TSHZ2: variants seen among roughly 807,000 people sequenced by gnomAD.
The protein encoded by TSHZ2 is teashirt zinc finger homeobox 2.
In TSHZ2, 21 loss-of-function variants were observed where a neutral mutation model predicts 74.4. The ratio of observed to expected loss-of-function variants is 0.28; its 90% CI spans 0.20 to 0.41. The LOEUF is 0.41. Ranked by LOEUF, TSHZ2 falls within the 10% of genes least tolerant of loss-of-function variation. TSHZ2 has a pLI of 1.00. For missense variants in TSHZ2, 1,244 were observed against 1,293.5 expected (o/e 0.96, Z 0.59); for synonymous variants, 540 against 515.3 (o/e 1.05, Z -0.65).
intron 1 of TSHZ2, among the ~76,000 whole-genome samples, chr20:53,136,819 A>G (rs1456365733): frequency 9.9e-5 from 15 of 152,190 alleles, no homozygotes; most frequent in Admixed American, 3.9e-4. Flanking sequence ...ACTGAGGAAG[A>G]AGGGGAAAAG....
chr20:53,218,379 G>A (rs1600748024), intron 1 of TSHZ2, among the ~76,000 whole-genome samples: 2 of 152,334 alleles, frequency 1.3e-5, no homozygotes, highest in African/African-American at 2.4e-5. Context: ...AAATGAATTC[G>A]GCTTGCCGAC....
intron 1 of TSHZ2, among the ~76,000 whole-genome samples, chr20:53,037,001 A>G (rs1299913985): frequency 6.6e-6 from 1 of 152,024 alleles, no homozygotes; most frequent in Admixed American, 6.6e-5. Context: ...AGTTGATAGT[A>G]TTGTATTTAA....
At chr20:53,052,820 T>C (rs532935133) in intron 1 of TSHZ2, among the ~76,000 whole-genome samples, 5 of 152,330 alleles carry the variant, frequency 3.3e-5, no homozygotes, top group Admixed American at 3.3e-4. Context: ...TGATTTTGGA[T>C]ACATACCCAA....
At chr20:53,138,391 G>GAA (rs72157952) in intron 1 of TSHZ2, among the ~76,000 whole-genome samples, 6 of 98,158 alleles carry the variant, frequency 6.1e-5, no homozygotes, top group South Asian at 6.9e-4. Context: ...TCTCAAAAAA[G>GAA]AAAAAAAAAA....
intron 1 of TSHZ2, among the ~76,000 whole-genome samples, chr20:53,138,257 G>A (rs1490992737): frequency 5.9e-5 from 9 of 151,972 alleles, no homozygotes; most frequent in East Asian, 1.9e-4. Flanking sequence ...GGTGGTGGGC[G>A]CCTGTAGTCC....
At chr20:53,067,310 G>A (rs1299593048) in intron 1 of TSHZ2, among the ~76,000 whole-genome samples, 1 of 152,142 alleles carries the variant, frequency 6.6e-6, no homozygotes, top group Admixed American at 6.5e-5. Flanking sequence ...TCATTCTTGA[G>A]CAGGTTTTTT....
intron 1 of TSHZ2, among the ~76,000 whole-genome samples, chr20:53,127,111 G>T (rs1478321825): frequency 1.3e-5 from 2 of 152,224 alleles, no homozygotes; most frequent in African/African-American, 4.8e-5. Flanking sequence ...ACTATTGGTG[G>T]TATATTGATG....
chr20:53,295,325 C>T (rs561216879), intron 2 of TSHZ2, among the ~76,000 whole-genome samples: 2 of 152,264 alleles, frequency 1.3e-5, no homozygotes, highest in South Asian at 4.2e-4. Context: ...TACTTAAACT[C>T]TCTGTATGTC....
At chr20:53,387,489 A>G (rs1157409053) in intron 2 of TSHZ2, among the ~76,000 whole-genome samples, 2 of 152,242 alleles carry the variant, frequency 1.3e-5, no homozygotes, top group Non-Finnish European at 2.9e-5. Context: ...CAGCAGTCAC[A>G]GGAAAAGACC....
At chr20:53,436,347 C>G (rs1984064857) in intron 2 of TSHZ2, among the ~76,000 whole-genome samples, 1 of 151,888 alleles carries the variant, frequency 6.6e-6, no homozygotes. Context: ...TCAGTTTGAT[C>G]CTGCCCAAAG....
chr20:53,372,701 C>T (rs533697277), intron 2 of TSHZ2, among the ~76,000 whole-genome samples: 8 of 152,284 alleles, frequency 5.3e-5, no homozygotes, highest in Admixed American at 3.3e-4. Flanking sequence ...CTTCCAAACG[C>T]CCCCACCAAT....
intron 1 of TSHZ2, chr20:53,179,566 G>A (rs1483939583): frequency 6.6e-6 from 1 of 152,220 alleles, no homozygotes; most frequent in African/African-American, 2.4e-5. Context: ...TGCCACCTGA[G>A]TAGGCTTACT....
intron 2 of TSHZ2, among the ~76,000 whole-genome samples, chr20:53,352,168 G>A (rs1233725428): frequency 6.7e-6 from 1 of 149,872 alleles, no homozygotes; most frequent in Non-Finnish European, 1.5e-5. Flanking sequence ...CCCACCATGT[G>A]CAAAGTTTGG....
intron 2 of TSHZ2, among the ~76,000 whole-genome samples, chr20:53,447,597 A>G (rs762404175): frequency 1.7e-4 from 26 of 152,262 alleles, no homozygotes; most frequent in Non-Finnish European, 2.9e-4. Flanking sequence ...GGGCTCTTAC[A>G]TTGGATTTAG....
intron 1 of TSHZ2, among the ~76,000 whole-genome samples, chr20:53,244,560 G>A (rs1367446266): frequency 6.6e-6 from 1 of 152,078 alleles, no homozygotes; most frequent in African/African-American, 2.4e-5. Context: ...TTCTCACTCT[G>A]CTTTTTTAAA....
chr20:53,184,728 A>G (rs771197868), intron 1 of TSHZ2, among the ~76,000 whole-genome samples: 1 of 152,066 alleles, frequency 6.6e-6, no homozygotes. Context: ...TAATTTTTTG[A>G]GACAGAATCT....
intron 1 of TSHZ2, among the ~76,000 whole-genome samples, chr20:53,028,902 C>A (rs1433758386): frequency 6.6e-6 from 1 of 152,178 alleles, no homozygotes; most frequent in Non-Finnish European, 1.5e-5. Flanking sequence ...GTGGCAAGGA[C>A]TGTGATTAAC....
chr20:53,184,431 A>T (rs1988553816), intron 1 of TSHZ2, among the ~76,000 whole-genome samples: 1 of 152,190 alleles, frequency 6.6e-6, no homozygotes, highest in Non-Finnish European at 1.5e-5. Flanking sequence ...TTTTCTGAGC[A>T]TTTTACTCCT....
intron 1 of TSHZ2, among the ~76,000 whole-genome samples, chr20:53,042,375 C>T (rs1228099475): frequency 2.6e-5 from 4 of 152,218 alleles, no homozygotes; most frequent in South Asian, 2.1e-4. Flanking sequence ...CTCCTACTCC[C>T]TTGATTTTTA....
Sources: allele counts gnomAD v4.1 joint callset (sites outside exome capture counted in the v4.1 genomes callset), GRCh38; gene constraint gnomAD v4.1.1; transcripts MANE v1.5; gene names NCBI Gene and HGNC (gene_info 2026-07-23, HGNC 2026-07-21).